Variants in CUL1 observed in about 807,000 individuals in gnomAD.
CUL1 encodes cullin 1.
A neutral mutation model predicts 118.0 loss-of-function variants in CUL1; 24 were observed. The ratio of observed to expected loss-of-function variants is 0.20; its 90% CI spans 0.15 to 0.29. The LOEUF is 0.29. Among genes scored for constraint, CUL1 ranks in the 10% least tolerant of loss-of-function variants. CUL1 has a pLI of 1.00. For missense variants in CUL1, 361 were observed against 933.8 expected (o/e 0.39, Z 7.99); for synonymous variants, 332 against 340.4 (o/e 0.98, Z 0.27).
chr7:148,747,191 A>G (rs1277477148), intron 2 of CUL1, among the ~76,000 whole-genome samples: 5 of 152,194 alleles, frequency 3.3e-5, no homozygotes, highest in African/African-American at 4.8e-5. Context: ...CACTTTAGCT[A>G]TCATTGGGTT....
chr7:148,701,626 G>GC (rs1258544459), intron 1 of CUL1, among the ~76,000 whole-genome samples: 1 of 152,204 alleles, frequency 6.6e-6, no homozygotes, highest in African/African-American at 2.4e-5. Flanking sequence ...GATGAGGCAA[G>GC]CCCCATGGTT....
At chr7:148,786,004 A>G (rs1298182008) in intron 11 of CUL1, among the ~76,000 whole-genome samples, 1 of 152,208 alleles carries the variant, frequency 6.6e-6, no homozygotes, top group Non-Finnish European at 1.5e-5. Flanking sequence ...GACCTGTACA[A>G]AAATTCATCT....
In CUL1 at chr7:148,714,696, T is replaced by G. The variant is rs138617717; in HGVS notation, c.-161-15266T>G. Among the ~76,000 whole-genome samples, 664 of 148,400 alleles carry G rather than the reference T, an allele frequency of 4.5e-3. 6 individuals carry two copies. The highest frequency in any genetic ancestry group is 0.015 in the African/African-American group (635 of 41,124). On this transcript the variant is annotated intron_variant, in intron 1 of 21. Transcript: ENST00000325222. ...GGTGATCTGAGTGGGTGTCATCTTG[T>G]TGAGGTTGCCAAAGGGACTCATTTT... is the stretch of plus-strand genomic sequence containing the variant.
intron 1 of CUL1, among the ~76,000 whole-genome samples, chr7:148,713,356 T>G (rs896384780): frequency 1.3e-5 from 2 of 152,184 alleles, no homozygotes; most frequent in Admixed American, 6.5e-5. Context: ...ATAATGTGAT[T>G]GTGATTTTCT....
intron 16 of CUL1, among the ~76,000 whole-genome samples, chr7:148,790,825 C>CA (rs1285474267): frequency 6.6e-6 from 1 of 152,204 alleles, no homozygotes; most frequent in Admixed American, 6.5e-5. Context: ...ATCAGCTCTC[C>CA]ACCTTACACA....
intron 2 of CUL1, among the ~76,000 whole-genome samples, chr7:148,750,075 G>A (rs923610133): frequency 6.6e-6 from 1 of 152,346 alleles, no homozygotes; most frequent in African/African-American, 2.4e-5. Context: ...AAGTGAGGAA[G>A]CTACAGAAGA....
chr7:148,796,921 C>T (rs561160715), intron 17 of CUL1, among the ~76,000 whole-genome samples: 39 of 152,300 alleles, frequency 2.6e-4, no homozygotes, highest in Non-Finnish European at 4.7e-4. Flanking sequence ...GCTTTCACCA[C>T]GTATCCTCAG....
At chr7:148,789,644 T>C (rs1563170131) in intron 14 of CUL1, 106 bp from the exon 15 acceptor site, 1 of 817,192 alleles carries the variant, frequency 1.2e-6, no homozygotes, top group East Asian at 2.5e-5. Flanking sequence ...AATGTGCTTT[T>C]TAATAAAGAG....
chr7:148,775,026 C>T (rs983833657), intron 9 of CUL1, among the ~76,000 whole-genome samples: 8 of 152,058 alleles, frequency 5.3e-5, no homozygotes, highest in Non-Finnish European at 1.0e-4. Flanking sequence ...GATCCGAGTA[C>T]ATTAGCAGAA....
intron 9 of CUL1, among the ~76,000 whole-genome samples, chr7:148,769,815 A>T (rs1387790216): frequency 1.3e-5 from 2 of 152,144 alleles, no homozygotes; most frequent in Non-Finnish European, 2.9e-5. Context: ...GGGTCACTTG[A>T]GCCCAGGAGT....
chr7:148,792,324 G>T (rs1344551121), intron 16 of CUL1, among the ~76,000 whole-genome samples: 2 of 152,078 alleles, frequency 1.3e-5, no homozygotes, highest in African/African-American at 4.8e-5. Flanking sequence ...TCAATAATGT[G>T]CCAAAAGATA....
chr7:148,761,504 C>G (rs893987957), intron 7 of CUL1, among the ~76,000 whole-genome samples: 16 of 152,108 alleles, frequency 1.1e-4, no homozygotes, highest in Admixed American at 8.5e-4. Flanking sequence ...GAGTGAGACT[C>G]TGTCTCAAAA....
intron 1 of CUL1, among the ~76,000 whole-genome samples, chr7:148,706,525 T>G (rs1797888939): frequency 6.6e-6 from 1 of 151,880 alleles, no homozygotes; most frequent in African/African-American, 2.4e-5. Context: ...CTGTGTAGAG[T>G]AGGTCCTACC....
intron 9 of CUL1, among the ~76,000 whole-genome samples, chr7:148,776,424 CT>C (rs1446061856): frequency 6.9e-6 from 1 of 144,220 alleles, no homozygotes; most frequent in African/African-American, 2.6e-5. Context: ...TCAAGCGATT[CT>C]CCTGCCTCAG....
intron 9 of CUL1, among the ~76,000 whole-genome samples, chr7:148,772,459 G>A (rs1800247064): frequency 6.6e-6 from 1 of 151,948 alleles, no homozygotes; most frequent in African/African-American, 2.4e-5. Flanking sequence ...GTTTATGATG[G>A]GCTTATTGAA....
intron 9 of CUL1, among the ~76,000 whole-genome samples, chr7:148,774,053 ATAAAT>A (rs1477531540): frequency 3.3e-5 from 5 of 152,330 alleles, no homozygotes; most frequent in African/African-American, 9.6e-5. Context: ...ATAAAATAAG[ATAAAT>A]TAAATAAATC....
chr7:148,799,178 A>G, intron 20 of CUL1, 97 bp from the exon 21 acceptor site: 2 of 816,488 alleles, frequency 2.4e-6, no homozygotes, highest in Non-Finnish European at 4.0e-6. Flanking sequence ...GATCCTGTGC[A>G]TAGGCGTCGG....
At chr7:148,732,707 A>C (rs1478905988) in intron 2 of CUL1, among the ~76,000 whole-genome samples, 1 of 152,104 alleles carries the variant, frequency 6.6e-6, no homozygotes, top group Non-Finnish European at 1.5e-5. Flanking sequence ...ATTTTTGCTC[A>C]TAAGGCGGTG....
chr7:148,767,000 A>C (rs1800027229), intron 8 of CUL1, among the ~76,000 whole-genome samples: 1 of 152,130 alleles, frequency 6.6e-6, no homozygotes, highest in South Asian at 2.1e-4. Flanking sequence ...TTCCTTTGAA[A>C]ATTCTCTGAG....
Sources: gnomAD v4.1 joint callset for allele counts (sites outside exome capture counted in the v4.1 genomes callset) on GRCh38, gnomAD v4.1.1 for gene constraint, MANE v1.5 for transcripts, NCBI Gene and HGNC (gene_info 2026-07-23, HGNC 2026-07-21) for gene names.